The following CDKAL1 variants were observed in gnomAD, a reference collection of about 807,000 sequenced individuals.
The protein encoded by CDKAL1 is threonylcarbamoyladenosine tRNA methylthiotransferase.
CDKAL1 carries 32 observed loss-of-function variants against 68.2 expected under a neutral mutation model. That is an observed-to-expected ratio of 0.47 (90% CI 0.35 to 0.63). The LOEUF is 0.63. CDKAL1 is among the 30% of genes least tolerant of loss of function. The pLI, the probability that CDKAL1 is intolerant of heterozygous loss-of-function variation, is 0.00. For missense variants in CDKAL1, 606 were observed against 696.7 expected, an observed-to-expected ratio of 0.87 and a Z score of 1.47; for synonymous variants, 234 against 244.3, an observed-to-expected ratio of 0.96 and a Z score of 0.39.
intron 5 of CDKAL1, among the ~76,000 whole-genome samples, chr6:20,663,190 A>T (rs1381835285): frequency 6.6e-6 from 1 of 151,940 alleles, no homozygotes; most frequent in Non-Finnish European, 1.5e-5. Context: ...GAGTCATATC[A>T]CAGGACTACC....
chr6:21,230,716 G>A (rs750049910), intron 15 of CDKAL1, 132 bp from the exon 16 acceptor site: 27 of 628,756 alleles, frequency 4.3e-5, no homozygotes, highest in Non-Finnish European at 6.3e-5. Flanking sequence ...CCCATGGTGG[G>A]TGTTCAAACG....
At chr6:21,117,376 G>A (rs75875868) in intron 13 of CDKAL1, among the ~76,000 whole-genome samples, 3,167 of 150,672 alleles carry the variant, frequency 0.021, 132 homozygotes, top group African/African-American at 0.072. Context: ...GTTGGTTCTC[G>A]CCTGTAATCC....
chr6:21,228,382 C>T (rs550548422), intron 15 of CDKAL1, among the ~76,000 whole-genome samples: 4 of 152,106 alleles, frequency 2.6e-5, no homozygotes, highest in Non-Finnish European at 5.9e-5. Context: ...CCATCTATGA[C>T]TTACAAAGGT....
At chr6:21,220,950 T>C (rs146554927) in intron 15 of CDKAL1, among the ~76,000 whole-genome samples, 2,108 of 152,244 alleles carry the variant, frequency 0.014, 48 homozygotes, top group African/African-American at 0.047. Context: ...GTGGATCACC[T>C]GAGGCCAGGA....
chr6:21,110,960 C>A (rs1338030039), intron 13 of CDKAL1, among the ~76,000 whole-genome samples: 1 of 151,918 alleles, frequency 6.6e-6, no homozygotes, highest in East Asian at 1.9e-4. Context: ...CAGAGCAAGA[C>A]CCCGTCTCTA....
At chr6:20,616,839 C>CCCCACACACA (rs1554164140) in intron 4 of CDKAL1, among the ~76,000 whole-genome samples, 4 of 121,396 alleles carry the variant, frequency 3.3e-5, no homozygotes, top group Non-Finnish European at 6.6e-5. Flanking sequence ...CCCGACTCTA[C>CCCCACACACA]CACACACACA....
chr6:20,992,035 T>TC (rs1561943143), intron 10 of CDKAL1, among the ~76,000 whole-genome samples: 1 of 135,048 alleles, frequency 7.4e-6, no homozygotes, highest in Admixed American at 7.6e-5. Context: ...TCTTTTCTTT[T>TC]TTTTTTTTTT....
chr6:20,942,688 G>C (rs961647938), intron 9 of CDKAL1, among the ~76,000 whole-genome samples: 1 of 148,148 alleles, frequency 6.8e-6, no homozygotes, highest in African/African-American at 2.5e-5. Context: ...TTTTAATGGT[G>C]GCTCATGCCT....
At chr6:20,941,992 A>G (rs1763994450) in intron 9 of CDKAL1, among the ~76,000 whole-genome samples, 1 of 152,214 alleles carries the variant, frequency 6.6e-6, no homozygotes, top group African/African-American at 2.4e-5. Flanking sequence ...TTAGCTCTCT[A>G]GATTAGCCTC....
chr6:20,634,664 G>T (rs1406462383), intron 4 of CDKAL1, among the ~76,000 whole-genome samples: 1 of 152,194 alleles, frequency 6.6e-6, no homozygotes, highest in Non-Finnish European at 1.5e-5. Flanking sequence ...ATGGAAGATG[G>T]TGAGGGGAAA....
chr6:21,093,990 C>T (rs1773193085), intron 12 of CDKAL1, among the ~76,000 whole-genome samples: 2 of 150,688 alleles, frequency 1.3e-5, no homozygotes, highest in African/African-American at 4.9e-5. Flanking sequence ...CCTTGGCCTA[C>T]CAAAGTGCTG....
rs959677664 is a variant in CDKAL1, at chr6:21,122,883, G to A, written c.1299+14420G>A. Among the ~76,000 whole-genome samples the A allele has an allele frequency of 5.4e-5, 8 of 147,184 alleles. No individual in the cohort carries two copies. The South Asian group carries it at 8.6e-4, about 16-fold the overall frequency. Reference sequence around the variant, plus strand: ...TGGTCTCAAACTACTGGCTTTTAGCGATCCTCCCACCTTGGCCCTTCAAAA... The same window carrying A: ...TGGTCTCAAACTACTGGCTTTTAGCAATCCTCCCACCTTGGCCCTTCAAAA... On this transcript the variant is annotated intron_variant, in intron 13 of 15. Transcript: ENST00000274695.
At chr6:20,681,405 G>T (rs988138505) in intron 5 of CDKAL1, among the ~76,000 whole-genome samples, 3 of 152,084 alleles carry the variant, frequency 2.0e-5, no homozygotes, top group Non-Finnish European at 4.4e-5. Flanking sequence ...CCTACATTTT[G>T]TGTTTTTTTC....
intron 5 of CDKAL1, among the ~76,000 whole-genome samples, chr6:20,699,315 G>A (rs1447182204): frequency 6.6e-6 from 1 of 151,548 alleles, no homozygotes; most frequent in African/African-American, 2.4e-5. Context: ...ATTTCTTTTG[G>A]GGATAATTAA....
At chr6:21,174,116 G>T (rs1777493601) in intron 13 of CDKAL1, among the ~76,000 whole-genome samples, 2 of 151,866 alleles carry the variant, frequency 1.3e-5, no homozygotes, top group Non-Finnish European at 2.9e-5. Context: ...TTAACAGAAA[G>T]GGACAAATTA....
intron 11 of CDKAL1, among the ~76,000 whole-genome samples, chr6:21,064,182 C>T (rs1223305888): frequency 7.9e-5 from 12 of 152,102 alleles, no homozygotes; most frequent in African/African-American, 2.9e-4. Flanking sequence ...CCTAAGACCA[C>T]GCATGCAGAG....
At chr6:21,086,662 C>A (rs570711885) in intron 12 of CDKAL1, among the ~76,000 whole-genome samples, 1 of 152,188 alleles carries the variant, frequency 6.6e-6, no homozygotes, top group South Asian at 2.1e-4. Context: ...CTAACAGTTC[C>A]CAGAGACCTT....
chr6:20,965,261 A>G (rs539994861), intron 10 of CDKAL1, among the ~76,000 whole-genome samples: 3 of 144,928 alleles, frequency 2.1e-5, no homozygotes, highest in East Asian at 2.3e-4. Flanking sequence ...GTGGTGAGCT[A>G]TGATCATATA....
At chr6:20,769,053 C>T (rs750979469) in intron 7 of CDKAL1, among the ~76,000 whole-genome samples, 6 of 152,086 alleles carry the variant, frequency 3.9e-5, no homozygotes, top group Non-Finnish European at 8.8e-5. Context: ...GAAAAACAGC[C>T]TTGGCTCTCT....
Sources: allele counts gnomAD v4.1 joint callset (sites outside exome capture counted in the v4.1 genomes callset), GRCh38; gene constraint gnomAD v4.1.1; transcripts MANE v1.5; gene names NCBI Gene and HGNC (gene_info 2026-07-23, HGNC 2026-07-21).